Variants in NOMO3 observed in about 807,000 individuals in gnomAD.
NOMO3 encodes NODAL modulator 3, also known as BOS complex subunit NOMO3.
NOMO3 carries 15 observed loss-of-function variants against 69.9 expected under a neutral mutation model. That is an observed-to-expected ratio of 0.21 (90% CI 0.14 to 0.33). The LOEUF (loss-of-function observed/expected upper bound fraction) is 0.33. NOMO3 is among the 10% of genes least tolerant of loss of function. The probability of loss-of-function intolerance (pLI) is 1.00; values close to 1 mark genes in which losing one functional copy is unlikely to be tolerated. For missense variants in NOMO3, 218 were observed against 761.0 expected (o/e 0.29, Z 8.39); for synonymous variants, 89 against 301.9 (o/e 0.29, Z 7.31).
intron 11 of NOMO3, among the ~76,000 whole-genome samples, chr16:16,260,152 T>C (rs1290133890): frequency 1.2e-5 from 1 of 82,034 alleles, no homozygotes; most frequent in Non-Finnish European, 2.1e-5. Context: ...CTGGGACACT[T>C]TCTCTGTGGA....
At chr16:16,266,217 T>C (rs1422086267) in intron 15 of NOMO3, among the ~76,000 whole-genome samples, 1 of 136,322 alleles carries the variant, frequency 7.3e-6, no homozygotes, top group Non-Finnish European at 1.5e-5. Flanking sequence ...GAATTGGAAC[T>C]GGTGTTTCAT....
intron 1 of NOMO3, among the ~76,000 whole-genome samples, chr16:16,235,466 C>T: frequency 6.7e-6 from 1 of 148,898 alleles, no homozygotes; most frequent in Non-Finnish European, 1.5e-5. Flanking sequence ...CCTTTTTCTT[C>T]AGAGAGAGAT....
chr16:16,249,496 C>T (rs1209253839), intron 6 of NOMO3, among the ~76,000 whole-genome samples: 16 of 134,346 alleles, frequency 1.2e-4, no homozygotes, highest in Admixed American at 1.2e-3. Context: ...GCAGGAGAAT[C>T]GCTTGAACCT....
intron 9 of NOMO3, among the ~76,000 whole-genome samples, chr16:16,254,192 A>G (rs1403759572): frequency 7.1e-6 from 1 of 141,488 alleles, no homozygotes; most frequent in Non-Finnish European, 1.5e-5. Context: ...GAGCAGAGAC[A>G]GCTATTCCCA....
At position 16,237,896 on chromosome 16, in the gene NOMO3, A is replaced by C. The variant is rs1332039617; in HGVS notation, c.255+906A>C. ...CATCCTAACAGATTGCTTTCTATTTATAGTTATTCAGATATCCACGGGTAC... is the reference window on the plus strand; with the variant it reads ...CATCCTAACAGATTGCTTTCTATTTCTAGTTATTCAGATATCCACGGGTAC... On this transcript the variant is annotated intron_variant, in intron 2 of 30. Coordinates refer to ENST00000399336, the MANE Select transcript of NOMO3 (RefSeq NM_001004067.4). 2.1e-5 allele frequency among the ~76,000 whole-genome samples: 3 copies of C among 144,700 alleles called. 1 individual carries two copies. Among genetic ancestry groups the C allele is most frequent in the African/African-American group, 8.3e-5 (3 of 36,124 alleles). 94.9% of individuals were successfully genotyped at this position (144,700 alleles called of 152,430 possible).
intron 16 of NOMO3, among the ~76,000 whole-genome samples, chr16:16,268,460 T>A (rs2049637110): frequency 6.9e-6 from 1 of 143,946 alleles, no homozygotes; most frequent in Admixed American, 6.7e-5. Context: ...CTCATTGTGG[T>A]TTTGTTTTGC....
rs1427129922 is a variant in NOMO3 at position 16,263,463 on chromosome 16, C to T, written c.1538-50C>T. ...CATAGGGTTAGGATTCGAACCTGTG[C>T]TGAAGCCTTATAAGGGGTCACATGG... On this transcript the variant is annotated intron_variant, in intron 13 of 30. Transcript: ENST00000399336. The T allele has an allele frequency of 6.5e-5, 45 of 692,222 alleles. 1 individual carries two copies. The highest frequency in any genetic ancestry group is 9.4e-5 in the Non-Finnish European group (40 of 426,126). 42.9% of individuals were successfully genotyped at this position (692,222 alleles called of 1,614,324 possible). A position where few individuals can be genotyped will look rare whatever the true frequency, so the allele number is the denominator to read the frequency against.
Position 16,235,885 on chromosome 16 carries a change from G to T in NOMO3, c.166-1016G>T, listed in dbSNP as rs1033900384. The T allele has an allele frequency of 3.6e-5, 16 of 439,856 alleles. 2 individuals are homozygous for T. The Admixed American group carries it at 3.9e-4, about 11-fold the overall frequency. 27.2% of individuals were successfully genotyped at this position (439,856 alleles called of 1,614,324 possible). On this transcript the variant is annotated intron_variant, in intron 1 of 30. Transcript: ENST00000399336. ...TTGATGTGAATCTGTACAACCACAT[G>T]AAAAGGAGTGGCTCTATGTCTGCAC...
chr16:16,243,042 T>A, intron 3 of NOMO3, 119 bp from the exon 4 acceptor site: 1 of 1,287,382 alleles, frequency 7.8e-7, no homozygotes, highest in Non-Finnish European at 1.0e-6. Context: ...TATTAAGTGT[T>A]CAAAAGTAAA....
chr16:16,265,137 G>A lies in NOMO3; in HGVS notation c.1764G>A (p.Thr588=), dbSNP rs202085202. Residue 588 remains threonine (T), a synonymous_variant, in exon 15 of 31, where the codon ACG becomes ACA. Transcript: ENST00000399336. ...TGTCTGCAGTTGAGTTCAGGCAGAC[G>A]GGCTACATGCTGAGATGTTCCCTGT... ...DDVSAVEFRQ[T]GYMLRCSLSH... 4.6e-3 allele frequency: 7,344 copies of A among 1,584,460 alleles called. 292 individuals carry two copies. Among genetic ancestry groups the A allele is most frequent in the South Asian group, 6.1e-3 (542 of 89,110 alleles).
Position 16,256,008 on chromosome 16 carries a change from T to C in NOMO3, c.1070T>C (p.Val357Ala), listed in dbSNP as rs973401954. The stretch of plus-strand genomic sequence containing the variant: ...CTGTTTGTGTGTTTTTGTTTTACAG[T>C]TAAAACAAAAGCTGATGGCTCATTC... ...AVVTLNNQIK[V>A]KTKADGSFRL... Residue 357 changes from valine to alanine, a missense_variant and splice_region_variant, in exon 11 of 31, where the codon GTT (valine) becomes GCT (alanine). Coordinates refer to ENST00000399336, the MANE Select transcript of NOMO3 (RefSeq NM_001004067.4). The C allele has an allele frequency of 6.3e-7, 1 of 1,581,964 alleles. No individual in the cohort carries two copies. The highest frequency in any genetic ancestry group is 8.5e-7 in the Non-Finnish European group (1 of 1,173,946).
intron 11 of NOMO3, among the ~76,000 whole-genome samples, 181 bp downstream of exon 11, chr16:16,256,339 C>T: frequency 8.2e-6 from 1 of 122,414 alleles, no homozygotes; most frequent in Admixed American, 7.8e-5. Context: ...GCAGTGGTGC[C>T]ATCTCGACTC....
At chr16:16,260,934 G>A (rs2049559838) in intron 11 of NOMO3, 1 of 139,722 alleles carries the variant, frequency 7.2e-6, no homozygotes, top group Non-Finnish European at 1.6e-5. Flanking sequence ...TACCTCCCAA[G>A]GAGTTCAATT....
rs937407584 is a variant in NOMO3 at position 16,261,012 on chromosome 16, A to G, written c.1221-490A>G. 66 of 158,352 alleles carry G rather than the reference A, an allele frequency of 4.2e-4. 4 individuals carry two copies. The highest frequency in any genetic ancestry group is 6.5e-4 in the Non-Finnish European group (49 of 75,832). The allele number at this position is 158,352 out of a possible 1,614,324, so 9.8% of individuals were successfully genotyped here. ...TCTCCCAGTTTGCTTTCATCCATGT[A>G]TTATATATAATCACAAGCAAGGAAG... On this transcript the variant is annotated intron_variant, in intron 11 of 30. Transcript: ENST00000399336.
intron 16 of NOMO3, among the ~76,000 whole-genome samples, chr16:16,269,104 C>T: frequency 7.0e-6 from 1 of 143,816 alleles, no homozygotes; most frequent in Non-Finnish European, 1.5e-5. Flanking sequence ...ACATCTCCTC[C>T]TGCCCCTCCT....
intron 2 of NOMO3, among the ~76,000 whole-genome samples, chr16:16,237,280 C>T (rs2049334336): frequency 6.9e-6 from 1 of 144,246 alleles, no homozygotes; most frequent in Non-Finnish European, 1.5e-5. Flanking sequence ...AGGCGTGGAG[C>T]TAAATGTGCT....
At chr16:16,260,516 T>C (rs1473341976) in intron 11 of NOMO3, among the ~76,000 whole-genome samples, 1 of 143,330 alleles carries the variant, frequency 7.0e-6, no homozygotes, top group Non-Finnish European at 1.5e-5. Flanking sequence ...ATTCCTAGAT[T>C]TCACATACAC....
chr16:16,236,825 T>G, intron 1 of NOMO3, 76 bp from the exon 2 acceptor site: 3 of 1,135,790 alleles, frequency 2.6e-6, no homozygotes, highest in Middle Eastern at 3.0e-4. Flanking sequence ...ACTGACTGAG[T>G]GCATTCAGGT....
rs545230602 is a variant in NOMO3, at chr16:16,238,803, C to T, written c.256-1048C>T. On this transcript the variant is annotated intron_variant, in intron 2 of 30. Coordinates refer to ENST00000399336, the MANE Select transcript of NOMO3 (RefSeq NM_001004067.4). ...AGTCTCAAGAAACCAGGAGGCTGGA[C>T]GTGGTAGCTCATGCCTGTAATCCTA... Among the ~76,000 whole-genome samples the T allele has an allele frequency of 1.0e-4, 14 of 133,910 alleles. 2 individuals are homozygous for T. The highest frequency in any genetic ancestry group is 4.8e-4 in the East Asian group (2 of 4,134). 87.9% of individuals were successfully genotyped at this position (133,910 alleles called of 152,430 possible). A position where few individuals can be genotyped will look rare whatever the true frequency, so the allele number is the denominator to read the frequency against.
Sources: gnomAD v4.1 joint callset for allele counts (sites outside exome capture counted in the v4.1 genomes callset) on GRCh38, gnomAD v4.1.1 for gene constraint, MANE v1.5 for transcripts, NCBI Gene and HGNC (gene_info 2026-07-23, HGNC 2026-07-21) for gene names.